USP6NL: variants seen among roughly 807,000 people sequenced by gnomAD.
USP6NL encodes the protein USP6 N-terminal like.
USP6NL carries 26 observed loss-of-function variants against 61.9 expected under a neutral mutation model. The observed-to-expected ratio is 0.42, with a 90% CI of 0.31 to 0.58. The LOEUF (loss-of-function observed/expected upper bound fraction) is 0.58, where lower values mean the gene tolerates loss of function less well. Among genes scored for constraint, USP6NL ranks in the 20% least tolerant of loss-of-function variants. The pLI is 0.16. For synonymous variants in USP6NL, 432 were observed against 390.1 expected, an observed-to-expected ratio of 1.11 and a Z score of -1.27; for missense variants, 1,114 against 1,034.3, an observed-to-expected ratio of 1.08 and a Z score of -1.06.
At position 11,491,942 on chromosome 10, in the gene USP6NL, G is replaced by A. The variant is rs1325282056; in HGVS notation, c.495-1062C>T. On this transcript the variant is annotated intron_variant, in intron 8 of 14. Transcript: ENST00000609104. This position sits in a 1 kb window ranked among gnomAD's most constrained non-coding sequence, Gnocchi z 4.7. ...GAAGGGATTGCTGCAATTATTATGA[G>A]TATTTCTTCCTTATTTTTTTGTAAA... is the stretch of plus-strand genomic sequence containing the variant. Among the ~76,000 whole-genome samples, 1 of 152,184 alleles carries A rather than the reference G, an allele frequency of 6.6e-6. No individual in the cohort carries two copies. Among genetic ancestry groups the A allele is most frequent in the Non-Finnish European group, 1.5e-5 (1 of 68,030 alleles).
At chr10:11,586,917 AAC>A (rs1321011203) in intron 2 of USP6NL, among the ~76,000 whole-genome samples, 1 of 152,132 alleles carries the variant, frequency 6.6e-6, no homozygotes, top group East Asian at 1.9e-4. Flanking sequence ...TTCTGTTTAG[AAC>A]ACTCTCCTCT....
intron 1 of USP6NL, among the ~76,000 whole-genome samples, chr10:11,608,852 A>T (rs912337158): frequency 6.6e-6 from 1 of 152,236 alleles, no homozygotes; most frequent in African/African-American, 2.4e-5. Context: ...AAACTGGCAT[A>T]GACCAGTTGA....
chr10:11,530,971 G>A (rs1327877689), intron 2 of USP6NL, among the ~76,000 whole-genome samples: 2 of 152,178 alleles, frequency 1.3e-5, no homozygotes, highest in South Asian at 2.1e-4. Flanking sequence ...GACTGCAAAC[G>A]ATTATCAACA....
intron 2 of USP6NL, among the ~76,000 whole-genome samples, chr10:11,568,180 C>T (rs941532232): frequency 9.5e-5 from 14 of 146,902 alleles, no homozygotes; most frequent in Admixed American, 7.5e-4. Context: ...TGTGTGCGCG[C>T]GCGCGTGCTT....
chr10:11,474,373 A>T lies in USP6NL; in HGVS notation c.1078+7397T>A, dbSNP rs1171623296. Among the ~76,000 whole-genome samples, 1 of 152,232 alleles carries T rather than the reference A, an allele frequency of 6.6e-6. No homozygotes were observed. The highest frequency in any genetic ancestry group is 1.9e-4 in the East Asian group (1 of 5,206). ...AGGTTCAGGATATTCTTAAGGTTGA[A>T]TTAATTAGATTTGTAAGTTTTTTAG... On this transcript the variant is annotated intron_variant, in intron 14 of 14. Transcript: ENST00000609104. The surrounding 1 kb of genome is among the most constrained non-coding windows in gnomAD (Gnocchi z 4.9).
chr10:11,515,662 G>GTA (rs1463698727), intron 5 of USP6NL, among the ~76,000 whole-genome samples: 1 of 152,210 alleles, frequency 6.6e-6, no homozygotes, highest in Non-Finnish European at 1.5e-5. Context: ...GTAACCGGAA[G>GTA]TATTCTGTGC....
intron 2 of USP6NL, among the ~76,000 whole-genome samples, chr10:11,576,374 T>C (rs938457753): frequency 3.3e-5 from 5 of 151,806 alleles, no homozygotes; most frequent in Non-Finnish European, 7.4e-5. Context: ...GATCTGAATG[T>C]CTAAGTTCCC....
chr10:11,506,039 A>G (rs1834417915), intron 6 of USP6NL, among the ~76,000 whole-genome samples: 1 of 152,224 alleles, frequency 6.6e-6, no homozygotes, highest in South Asian at 2.1e-4. Flanking sequence ...AGACACCAAA[A>G]GGGAAAGCTG....
At chr10:11,545,704 A>G (rs1489189459) in intron 2 of USP6NL, among the ~76,000 whole-genome samples, 3 of 149,138 alleles carry the variant, frequency 2.0e-5, no homozygotes, top group East Asian at 1.9e-4. Context: ...TTCCTGATCA[A>G]TGTACCTACC....
At chr10:11,535,302 T>C (rs373485929) in intron 2 of USP6NL, among the ~76,000 whole-genome samples, 2 of 152,250 alleles carry the variant, frequency 1.3e-5, no homozygotes, top group African/African-American at 4.8e-5. Context: ...CTCAACCTTT[T>C]CCACAGATTT....
At chr10:11,594,701 C>T (rs950328371) in intron 2 of USP6NL, among the ~76,000 whole-genome samples, 4 of 152,176 alleles carry the variant, frequency 2.6e-5, no homozygotes, top group South Asian at 2.1e-4. Flanking sequence ...ACTCTTCTCA[C>T]GGCAACAGCT....
Position 11,562,214 on chromosome 10 carries a change from A to G in USP6NL, c.5-34647T>C, listed in dbSNP as rs77494771. On this transcript the variant is annotated intron_variant, in intron 2 of 14. Transcript: ENST00000609104. The surrounding 1 kb of genome is among the most constrained non-coding windows in gnomAD (Gnocchi z 4.8). ...TAGGCGGAGGTTGCAGTGAGCCGAGATCGCACCACTGCACGCCAGCCTGGC... is the reference window on the plus strand; with the variant it reads ...TAGGCGGAGGTTGCAGTGAGCCGAGGTCGCACCACTGCACGCCAGCCTGGC... Among the ~76,000 whole-genome samples, 76 of 151,564 alleles carry G rather than the reference A, an allele frequency of 5.0e-4. No individual in the cohort carries two copies. The East Asian group carries it at 0.015, about 29-fold the overall frequency.
At chr10:11,502,019 G>A (rs1475737680) in intron 6 of USP6NL, among the ~76,000 whole-genome samples, 1 of 152,152 alleles carries the variant, frequency 6.6e-6, no homozygotes, top group East Asian at 1.9e-4. Context: ...AGCACTTTGG[G>A]AGGCCGAGGT....
chr10:11,560,479 C>T (rs1836881195), intron 2 of USP6NL, among the ~76,000 whole-genome samples: 1 of 151,870 alleles, frequency 6.6e-6, no homozygotes, highest in Admixed American at 6.6e-5. Context: ...TACTTTAAGG[C>T]TCAGGATTTT....
At chr10:11,555,499 GAAT>G (rs1416219844) in intron 2 of USP6NL, among the ~76,000 whole-genome samples, 1 of 130,494 alleles carries the variant, frequency 7.7e-6, no homozygotes, top group Non-Finnish European at 1.6e-5. Flanking sequence ...GAGAGAAGAG[GAAT>G]AAAAGATAGA....
In USP6NL at chr10:11,548,417, T is replaced by C. The variant is rs1049735254; in HGVS notation, c.5-20850A>G. 6.6e-5 allele frequency among the ~76,000 whole-genome samples: 10 copies of C among 152,212 alleles called. No homozygotes were observed. The highest frequency in any genetic ancestry group is 1.5e-4 in the Non-Finnish European group (10 of 68,028). ...ACTTAATTAAAATATCTCAGACCTC[T>C]CTTAGAAGCTTTCTCAATCTCAATA... On this transcript the variant is annotated intron_variant, in intron 2 of 14. Transcript: ENST00000609104. This position sits in a 1 kb window ranked among gnomAD's most constrained non-coding sequence, Gnocchi z 4.3.
chr10:11,547,102 T>A (rs905147198), intron 2 of USP6NL, among the ~76,000 whole-genome samples: 3 of 152,210 alleles, frequency 2.0e-5, no homozygotes, highest in African/African-American at 7.2e-5. Context: ...CTTTACTACT[T>A]ATTATTGATG....
intron 2 of USP6NL, among the ~76,000 whole-genome samples, chr10:11,541,096 T>C (rs1263688226): frequency 6.6e-6 from 1 of 151,768 alleles, no homozygotes; most frequent in Non-Finnish European, 1.5e-5. Context: ...AACTGCGTTA[T>C]ATGTATCTCA....
chr10:11,550,105 C>T (rs1456931389), intron 2 of USP6NL, among the ~76,000 whole-genome samples: 1 of 152,082 alleles, frequency 6.6e-6, no homozygotes, highest in African/African-American at 2.4e-5. Context: ...TAAACCTTGG[C>T]CTTTACCTCA....
Sources: gnomAD v4.1 joint callset for allele counts (sites outside exome capture counted in the v4.1 genomes callset) on GRCh38, gnomAD v4.1.1 for gene constraint, Gnocchi (gnomAD v3.1) non-coding constraint, MANE v1.5 for transcripts, NCBI Gene and HGNC (gene_info 2026-07-23, HGNC 2026-07-21) for gene names.